The following TAF4 variants were observed in gnomAD, a reference collection of about 807,000 sequenced individuals.
TAF4 encodes TATA-box binding protein associated factor 4.
Under a neutral mutation model 90.3 loss-of-function variants are expected in TAF4, and 9 were observed. The ratio of observed to expected loss-of-function variants is 0.10; its 90% confidence interval spans 0.06 to 0.17. The LOEUF is 0.17. Among genes scored for constraint, TAF4 ranks in the 10% least tolerant of loss-of-function variants. The pLI is 1.00. For missense variants in TAF4, 1,351 were observed against 1,370.7 expected, an observed-to-expected ratio of 0.99 and a Z score of 0.23; for synonymous variants, 818 against 638.9, an observed-to-expected ratio of 1.28 and a Z score of -4.23.
intron 1 of TAF4, among the ~76,000 whole-genome samples, chr20:62,033,722 AGT>A (rs1006143230): frequency 7.1e-6 from 1 of 140,606 alleles, no homozygotes; most frequent in Non-Finnish European, 1.5e-5. Context: ...GGGCAACAAG[AGT>A]GAGACTCCGT....
At chr20:62,043,240 G>GC (rs1292243603) in intron 1 of TAF4, among the ~76,000 whole-genome samples, 1 of 152,140 alleles carries the variant, frequency 6.6e-6, no homozygotes, top group Non-Finnish European at 1.5e-5. Flanking sequence ...GATCTCCTGA[G>GC]CCCAGGAGGT....
chr20:62,012,664 G>T, intron 3 of TAF4, 151 bp downstream of exon 3: 2 of 1,130,358 alleles, frequency 1.8e-6, no homozygotes, highest in Non-Finnish European at 2.4e-6. Context: ...CAAAGAAAAA[G>T]CACTTTCTTC....
chr20:62,042,676 A>C (rs1311081307), intron 1 of TAF4, among the ~76,000 whole-genome samples: 1 of 152,270 alleles, frequency 6.6e-6, no homozygotes, highest in African/African-American at 2.4e-5. Flanking sequence ...AGAGCGGGTC[A>C]GGGAACTCTC....
chr20:61,989,309 GA>G (rs1405886118), intron 14 of TAF4, among the ~76,000 whole-genome samples: 2 of 98,954 alleles, frequency 2.0e-5, no homozygotes, highest in African/African-American at 8.2e-5. Context: ...GGAACCAGGG[GA>G]AGCTGCAGAG....
At chr20:61,986,737 C>T (rs1240725145) in intron 14 of TAF4, among the ~76,000 whole-genome samples, 1 of 152,268 alleles carries the variant, frequency 6.6e-6, no homozygotes, top group Non-Finnish European at 1.5e-5. Context: ...GTAGCAGCAG[C>T]TTGTTACCTA....
intron 1 of TAF4, among the ~76,000 whole-genome samples, chr20:62,033,244 G>C (rs1156656586): frequency 6.6e-6 from 1 of 152,184 alleles, no homozygotes; most frequent in African/African-American, 2.4e-5. Flanking sequence ...AGCAACAAGG[G>C]GAGCCACCTG....
At chr20:62,016,515 TC>T (rs2123154215) in intron 1 of TAF4, among the ~76,000 whole-genome samples, 1 of 152,288 alleles carries the variant, frequency 6.6e-6, no homozygotes, top group South Asian at 2.1e-4. Context: ...AACTTCAGAC[TC>T]CAAGTTCTTC....
chr20:62,051,943 C>T (rs901318132), intron 1 of TAF4, among the ~76,000 whole-genome samples: 2 of 152,142 alleles, frequency 1.3e-5, no homozygotes, highest in Non-Finnish European at 2.9e-5. Context: ...CCAAGGTTGC[C>T]GCCTCCCACC....
At chr20:62,049,800 G>A (rs2056016011) in intron 1 of TAF4, among the ~76,000 whole-genome samples, 1 of 152,098 alleles carries the variant, frequency 6.6e-6, no homozygotes, top group Admixed American at 6.5e-5. Flanking sequence ...ACGTGGCCTT[G>A]AGCAGTTCAT....
intron 14 of TAF4, among the ~76,000 whole-genome samples, chr20:61,990,704 G>GCACA (rs2055626082): frequency 6.6e-6 from 1 of 152,206 alleles, no homozygotes; most frequent in Non-Finnish European, 1.5e-5. Context: ...GCCTCACGCA[G>GCACA]GAGAGAACCT....
intron 14 of TAF4, chr20:61,981,192 G>C (rs1025165698): frequency 3.3e-5 from 5 of 152,272 alleles, no homozygotes; most frequent in African/African-American, 7.2e-5. Context: ...GGAAACCACA[G>C]ATGTGGCAAA....
chr20:61,991,243 AC>A (rs1215696508), intron 14 of TAF4, among the ~76,000 whole-genome samples: 2 of 152,000 alleles, frequency 1.3e-5, no homozygotes, highest in Non-Finnish European at 2.9e-5. Flanking sequence ...ACATGGTGAA[AC>A]CCTGTCTCTA....
Position 61,992,845 on chromosome 20 carries a change from T to C in TAF4, c.3090+4705A>G, listed in dbSNP as rs964057570. On this transcript the variant is annotated intron_variant, in intron 14 of 14. Transcript: ENST00000252996. ...TCCCAGCGTGACTCAGGAACCAACC[T>C]GGAGATGCTTCCATTGGCCAAAGAT... Among the ~76,000 whole-genome samples, 38 of 152,198 alleles carry C rather than the reference T, an allele frequency of 2.5e-4. 1 individual carries two copies. Among genetic ancestry groups the C allele is most frequent in the Non-Finnish European group, 1.5e-5 (1 of 68,030 alleles).
chr20:62,012,749 C>G (rs2055786646), intron 3 of TAF4, 66 bp downstream of exon 3: 1 of 1,518,384 alleles, frequency 6.6e-7, no homozygotes, highest in Non-Finnish European at 8.8e-7. Flanking sequence ...GGCCTGATCT[C>G]TGCATCAAAG....
At chr20:62,013,768 G>A (rs920717805) in intron 2 of TAF4, among the ~76,000 whole-genome samples, 8 of 152,232 alleles carry the variant, frequency 5.3e-5, no homozygotes, top group Admixed American at 2.0e-4. Context: ...GTGCGGGCAC[G>A]TGCAGGTGAC....
At chr20:62,015,783 T>A (rs147398380) in intron 1 of TAF4, among the ~76,000 whole-genome samples, 1 of 152,332 alleles carries the variant, frequency 6.6e-6, no homozygotes, top group East Asian at 1.9e-4. Context: ...TTCCTCCTCC[T>A]GCGCTATGAC....
intron 1 of TAF4, among the ~76,000 whole-genome samples, chr20:62,056,741 G>C (rs1309131790): frequency 6.6e-6 from 1 of 152,144 alleles, no homozygotes; most frequent in African/African-American, 2.4e-5. Context: ...GTCTGGGCCA[G>C]GTGACGTTAC....
At chr20:62,031,977 G>A (rs1430790401) in intron 1 of TAF4, among the ~76,000 whole-genome samples, 1 of 151,982 alleles carries the variant, frequency 6.6e-6, no homozygotes, top group Non-Finnish European at 1.5e-5. Flanking sequence ...CAAGCAAGAA[G>A]GAAACAACCC....
intron 13 of TAF4, among the ~76,000 whole-genome samples, chr20:61,997,886 C>A (rs1422004483): frequency 6.6e-6 from 1 of 151,996 alleles, no homozygotes; most frequent in African/African-American, 2.4e-5. Flanking sequence ...AGAAAATATA[C>A]GCAAGTCAAA....
Sources: allele counts gnomAD v4.1 joint callset (sites outside exome capture counted in the v4.1 genomes callset), GRCh38; gene constraint gnomAD v4.1.1; transcripts MANE v1.5; gene names NCBI Gene and HGNC (gene_info 2026-07-23, HGNC 2026-07-21).